Variants in TSNARE1 observed in about 807,000 individuals in gnomAD.
TSNARE1 encodes t-SNARE domain containing 1, also known as t-SNARE domain-containing protein 1.
Under a neutral mutation model 62.0 loss-of-function variants are expected in TSNARE1, and 49 were observed. That is an observed-to-expected ratio of 0.79 (90% CI 0.63 to 1.00). The LOEUF (loss-of-function observed/expected upper bound fraction) is 1.00, where lower values mean the gene tolerates loss of function less well. TSNARE1 is among the 50% of genes least tolerant of loss of function. The pLI, the probability that TSNARE1 is intolerant of heterozygous loss-of-function variation, is 0.00. For synonymous variants in TSNARE1, 328 were observed against 294.4 expected, an observed-to-expected ratio of 1.11 and a Z score of -1.17; for missense variants, 755 against 700.1, an observed-to-expected ratio of 1.08 and a Z score of -0.88.
intron 11 of TSNARE1, chr8:142,278,406 C>A: frequency 1.0e-6 from 1 of 985,492 alleles, no homozygotes; most frequent in Non-Finnish European, 1.2e-6. Flanking sequence ...CACTCTGTGG[C>A]CCTCAAGGAG....
At chr8:142,331,901 C>A in intron 4 of TSNARE1, 70 bp from the exon 5 acceptor site, 1 of 1,453,134 alleles carries the variant, frequency 6.9e-7, no homozygotes, top group Non-Finnish European at 9.5e-7. Context: ...CTCTGCTAAC[C>A]GCTCTGGGCA....
rs114016179 is a variant in TSNARE1 at position 142,356,627 on chromosome 8, C to T, written c.-39-1864G>A. On this transcript the variant is annotated intron_variant, in intron 1 of 13. Transcript: ENST00000524325. ...ACTATCCAGAGAGAAAACTTTAACA[C>T]GTAACAGCATAGCAGCTAGCACTTC... Among the ~76,000 whole-genome samples, 919 of 152,318 alleles carry T rather than the reference C, an allele frequency of 6.0e-3. 10 individuals are homozygous for T. Among genetic ancestry groups the T allele is most frequent in the African/African-American group, 0.021 (862 of 41,568 alleles).
intron 10 of TSNARE1, among the ~76,000 whole-genome samples, chr8:142,292,969 G>C (rs551066189): frequency 3.9e-5 from 6 of 152,150 alleles, no homozygotes; most frequent in Non-Finnish European, 5.9e-5. Context: ...TCAGCACATA[G>C]AAAGTGGGGG....
rs1829234404 is a variant in TSNARE1 at position 142,319,981 on chromosome 8, A to C, written c.894-1347T>G. On this transcript the variant is annotated intron_variant, in intron 6 of 13. Coordinates refer to ENST00000524325, the MANE Select transcript of TSNARE1 (RefSeq NM_145003.5). The surrounding 1 kb of genome is among the most constrained non-coding windows in gnomAD (Gnocchi z 4.9). Reference sequence around the variant, plus strand: ...AGAGCCTCCAGTGCCTCCAGCTCCCAAACACGCCTCTTCGGCCAACCACTG... The same window carrying C: ...AGAGCCTCCAGTGCCTCCAGCTCCCCAACACGCCTCTTCGGCCAACCACTG... 6.6e-6 allele frequency among the ~76,000 whole-genome samples: 1 copy of C among 152,116 alleles called. No homozygotes were observed. Among genetic ancestry groups the C allele is most frequent in the Non-Finnish European group, 1.5e-5 (1 of 68,006 alleles).
chr8:142,359,641 C>T (rs1424319512), intron 1 of TSNARE1, among the ~76,000 whole-genome samples: 1 of 152,176 alleles, frequency 6.6e-6, no homozygotes, highest in Non-Finnish European at 1.5e-5. Context: ...TCTGACTGGC[C>T]CCAGGCCACC....
At chr8:142,252,052 T>C (rs1434403876) in intron 12 of TSNARE1, among the ~76,000 whole-genome samples, 1 of 148,820 alleles carries the variant, frequency 6.7e-6, no homozygotes, top group Admixed American at 6.7e-5. Context: ...CCACGTTCTC[T>C]ATCTGCAGGG....
intron 12 of TSNARE1, chr8:142,247,648 A>T (rs1373449694): frequency 6.6e-6 from 1 of 152,216 alleles, no homozygotes; most frequent in Admixed American, 6.5e-5. Flanking sequence ...GTGCAATCCC[A>T]CTACTGATCA....
At position 142,258,049 on chromosome 8, in the gene TSNARE1, T is replaced by C. The variant is rs139425846; in HGVS notation, c.1446+16732A>G. On this transcript the variant is annotated intron_variant, in intron 12 of 13. Coordinates refer to ENST00000524325, the MANE Select transcript of TSNARE1 (RefSeq NM_145003.5). Reference sequence around the variant, plus strand: ...CACACATGCACACATGCACTTGTGCTCACACATGCACACACAAAACCTATG... The same window carrying C: ...CACACATGCACACATGCACTTGTGCCCACACATGCACACACAAAACCTATG... Among the ~76,000 whole-genome samples the C allele has an allele frequency of 3.3e-4, 50 of 151,994 alleles. 1 individual carries two copies. The highest frequency in any genetic ancestry group is 1.2e-3 in the African/African-American group (48 of 41,444).
intron 6 of TSNARE1, among the ~76,000 whole-genome samples, chr8:142,326,665 A>AG (rs202085366): frequency 1.3e-5 from 2 of 148,912 alleles, no homozygotes; most frequent in Non-Finnish European, 3.0e-5. Flanking sequence ...AGCGAAGGGG[A>AG]GGGCCCCAGA....
chr8:142,372,371 G>A (rs35209325), intron 1 of TSNARE1, among the ~76,000 whole-genome samples: 20,585 of 152,240 alleles, frequency 0.14, 1,493 homozygotes, highest in East Asian at 0.22. Context: ...GAGTGGGAGG[G>A]AGAAGGGAAG....
intron 4 of TSNARE1, among the ~76,000 whole-genome samples, chr8:142,334,483 G>A: frequency 6.6e-6 from 1 of 151,996 alleles, no homozygotes; most frequent in South Asian, 2.1e-4. Flanking sequence ...GGCACACACA[G>A]GGTGGGGGGG....
chr8:142,313,138 ATG>A (rs1412667582), intron 9 of TSNARE1, among the ~76,000 whole-genome samples: 115 of 149,750 alleles, frequency 7.7e-4, no homozygotes, highest in Middle Eastern at 3.4e-3. Context: ...ATTTATCTGC[ATG>A]TGTGTCTGCA....
At chr8:142,375,241 G>T (rs117663892) in intron 1 of TSNARE1, among the ~76,000 whole-genome samples, 1 of 152,360 alleles carries the variant, frequency 6.6e-6, no homozygotes, top group South Asian at 2.1e-4. Context: ...AGCTGCTCCC[G>T]GCACCCACAG....
At chr8:142,249,349 G>A (rs906183713) in intron 12 of TSNARE1, among the ~76,000 whole-genome samples, 7 of 152,176 alleles carry the variant, frequency 4.6e-5, no homozygotes, top group Non-Finnish European at 1.0e-4. Context: ...AAGGGCCACC[G>A]GGAAGGCTGC....
intron 13 of TSNARE1, among the ~76,000 whole-genome samples, chr8:142,222,750 A>G (rs1011135012): frequency 1.1e-5 from 1 of 95,008 alleles, no homozygotes; most frequent in African/African-American, 3.9e-5. Flanking sequence ...TCACTCACTC[A>G]TCCACTCACT....
intron 12 of TSNARE1, among the ~76,000 whole-genome samples, chr8:142,264,360 CA>C (rs1172769693): frequency 6.6e-6 from 1 of 152,150 alleles, no homozygotes; most frequent in Non-Finnish European, 1.5e-5. Flanking sequence ...AGTCCATGGT[CA>C]AAATCTGGAA....
At chr8:142,262,774 G>A (rs1818959686) in intron 12 of TSNARE1, among the ~76,000 whole-genome samples, 1 of 152,196 alleles carries the variant, frequency 6.6e-6, no homozygotes. Context: ...CTCCCCAGAA[G>A]CAGAAGCCGC....
intron 10 of TSNARE1, among the ~76,000 whole-genome samples, chr8:142,298,579 T>C (rs1825150939): frequency 6.6e-6 from 1 of 152,092 alleles, no homozygotes; most frequent in Non-Finnish European, 1.5e-5. Flanking sequence ...GCCAAGCCTC[T>C]CCCTGGACGC....
At chr8:142,274,246 A>C (rs1820049894) in intron 12 of TSNARE1, 1 of 985,438 alleles carries the variant, frequency 1.0e-6, no homozygotes. Flanking sequence ...CACAGTCTCC[A>C]GCCAGCCTGA....
Sources: allele counts gnomAD v4.1 joint callset (sites outside exome capture counted in the v4.1 genomes callset), GRCh38; gene constraint gnomAD v4.1.1; non-coding constraint Gnocchi (gnomAD v3.1); transcripts MANE v1.5; gene names NCBI Gene and HGNC (gene_info 2026-07-23, HGNC 2026-07-21).